Variants in RASEF observed in about 807,000 individuals in gnomAD.
RASEF encodes the protein RAS and EF-hand domain containing.
Under a neutral mutation model 90.1 loss-of-function variants are expected in RASEF, and 68 were observed. The observed-to-expected ratio is 0.75, with a 90% CI of 0.62 to 0.92. The LOEUF is 0.92. RASEF is among the 40% of genes least tolerant of loss of function. RASEF has a pLI of 0.00. For missense variants in RASEF, 949 were observed against 937.2 expected, an observed-to-expected ratio of 1.01 and a Z score of -0.16; for synonymous variants, 331 against 345.2, an observed-to-expected ratio of 0.96 and a Z score of 0.46.
the RASEF span, among the ~76,000 whole-genome samples, chr9:83,185,065 G>A: frequency 6.6e-6 from 1 of 152,082 alleles, no homozygotes; most frequent in Non-Finnish European, 1.5e-5. Context: ...CTGGTACGTG[G>A]TCAAGCTTAC....
At chr9:83,167,914 A>T in the RASEF span, among the ~76,000 whole-genome samples, 1 of 152,128 alleles carries the variant, frequency 6.6e-6, no homozygotes, top group African/African-American at 2.4e-5. Context: ...CCACCAGTTG[A>T]TGATATTTGA....
At chr9:83,214,186 G>A in the RASEF span, among the ~76,000 whole-genome samples, 2 of 152,154 alleles carry the variant, frequency 1.3e-5, no homozygotes, top group Non-Finnish European at 2.9e-5. Context: ...CTGAGTTCAA[G>A]GCCAGCCTGG....
the RASEF span, among the ~76,000 whole-genome samples, chr9:83,123,369 G>A: frequency 6.6e-6 from 1 of 151,714 alleles, no homozygotes; most frequent in South Asian, 2.1e-4. Flanking sequence ...TACCAGTGAT[G>A]TCCCAGACCC....
At chr9:83,167,130 GT>G in the RASEF span, among the ~76,000 whole-genome samples, 2 of 151,854 alleles carry the variant, frequency 1.3e-5, no homozygotes, top group African/African-American at 4.8e-5. Context: ...GATTTAATTA[GT>G]TAATATACTT....
chr9:83,020,237 G>C (rs982728208), intron 3 of RASEF, among the ~76,000 whole-genome samples: 6 of 152,170 alleles, frequency 3.9e-5, no homozygotes, highest in African/African-American at 1.2e-4. Flanking sequence ...GGGTTCCTCT[G>C]AGCTTTGCAG....
At chr9:83,124,541 G>C in the RASEF span, among the ~76,000 whole-genome samples, 2 of 152,136 alleles carry the variant, frequency 1.3e-5, no homozygotes, top group African/African-American at 4.8e-5. Flanking sequence ...AAATAAAGCT[G>C]CCGCAGTTTC....
the RASEF span, among the ~76,000 whole-genome samples, chr9:83,216,788 A>G: frequency 6.6e-6 from 1 of 152,158 alleles, no homozygotes; most frequent in East Asian, 1.9e-4. Context: ...CATTGGATAA[A>G]TATACCCTTT....
chr9:83,153,962 G>A, the RASEF span, among the ~76,000 whole-genome samples: 1 of 152,180 alleles, frequency 6.6e-6, no homozygotes, highest in East Asian at 1.9e-4. Flanking sequence ...CAGGCTGCAT[G>A]GAATAGTGGA....
chr9:83,093,489 G>A, the RASEF span, among the ~76,000 whole-genome samples: 1 of 152,208 alleles, frequency 6.6e-6, no homozygotes, highest in Admixed American at 6.5e-5. Flanking sequence ...CAGCCCCGGT[G>A]GGCTGGCACT....
At chr9:83,048,643 CGT>C (rs1401233721) in intron 1 of RASEF, 1 of 985,286 alleles carries the variant, frequency 1.0e-6, no homozygotes, top group Non-Finnish European at 1.2e-6. Flanking sequence ...ATAACACAGA[CGT>C]TCCTTGTTTA....
At chr9:83,144,412 G>GAAAGAAAGAAAGAAAT in the RASEF span, among the ~76,000 whole-genome samples, 6 of 122,880 alleles carry the variant, frequency 4.9e-5, no homozygotes, top group East Asian at 1.4e-3. Flanking sequence ...AAGAAAGAAA[G>GAAAGAAAGAAAGAAAT]AAAGAAAAGA....
the RASEF span, among the ~76,000 whole-genome samples, chr9:83,140,314 C>G: frequency 6.6e-6 from 1 of 152,292 alleles, no homozygotes; most frequent in Non-Finnish European, 1.5e-5. Context: ...ACTTTAGAGA[C>G]TGAAGTTCCC....
chr9:83,172,507 G>A, the RASEF span, among the ~76,000 whole-genome samples: 1 of 151,122 alleles, frequency 6.6e-6, no homozygotes, highest in Admixed American at 6.6e-5. Context: ...CTGGTGGTAT[G>A]TTTTCTTTTT....
intron 3 of RASEF, 33 bp downstream of exon 3, chr9:83,022,303 T>C: frequency 6.5e-7 from 1 of 1,530,542 alleles, no homozygotes; most frequent in Non-Finnish European, 9.1e-7. Context: ...CTCATAAAGA[T>C]CTGCTGAATG....
the RASEF span, among the ~76,000 whole-genome samples, chr9:83,142,035 G>T: frequency 1.3e-5 from 2 of 152,176 alleles, no homozygotes; most frequent in African/African-American, 4.8e-5. Context: ...ATGAAAGAGA[G>T]TTGGAGTCTA....
At chr9:83,145,521 T>C in the RASEF span, among the ~76,000 whole-genome samples, 1 of 152,114 alleles carries the variant, frequency 6.6e-6, no homozygotes, top group Non-Finnish European at 1.5e-5. Flanking sequence ...AAGACAGCTA[T>C]GTAGATTCTC....
chr9:82,988,702 C>G (rs967075572), intron 16 of RASEF, among the ~76,000 whole-genome samples: 1 of 152,068 alleles, frequency 6.6e-6, no homozygotes, highest in East Asian at 1.9e-4. Flanking sequence ...TCATGTGACA[C>G]GCTGGCTCCC....
rs111593150 is a variant in RASEF at position 83,040,308 on chromosome 9, T to C, written c.432-14387A>G. 5.4e-3 allele frequency among the ~76,000 whole-genome samples: 827 copies of C among 152,316 alleles called. 11 individuals carry two copies. The highest frequency in any genetic ancestry group is 0.018 in the African/African-American group (765 of 41,582). Reference sequence around the variant, plus strand: ...AATGGCTAAACCAATGTATCAAATCTTGAATATATTTTGAATATACTTCAA... The same window carrying C: ...AATGGCTAAACCAATGTATCAAATCCTGAATATATTTTGAATATACTTCAA... On this transcript the variant is annotated intron_variant, in intron 1 of 16. Transcript: ENST00000376447.
At chr9:83,029,185 C>T (rs768514623) in intron 1 of RASEF, among the ~76,000 whole-genome samples, 3 of 152,172 alleles carry the variant, frequency 2.0e-5, no homozygotes, top group Non-Finnish European at 4.4e-5. Flanking sequence ...AACTCAGTCT[C>T]AAGCTGTGGG....
Sources: gnomAD v4.1 joint callset for allele counts (sites outside exome capture counted in the v4.1 genomes callset) on GRCh38, gnomAD v4.1.1 for gene constraint, MANE v1.5 for transcripts, NCBI Gene and HGNC (gene_info 2026-07-23, HGNC 2026-07-21) for gene names.